The following NAA11 variants were observed in gnomAD, a reference collection of about 807,000 sequenced individuals.
The protein encoded by NAA11 is N-alpha-acetyltransferase 11, NatA catalytic subunit.
Under a neutral mutation model 16.1 loss-of-function variants are expected in NAA11, and 15 were observed. The observed-to-expected ratio is 0.93, with a 90% CI of 0.62 to 1.44. The LOEUF (loss-of-function observed/expected upper bound fraction) is 1.44. Ranked by LOEUF, NAA11 falls within the 40% of genes most tolerant of loss-of-function variation. NAA11 has a pLI of 0.00. For synonymous variants in NAA11, 122 were observed against 112.4 expected, an observed-to-expected ratio of 1.09 and a Z score of -0.54; for missense variants, 298 against 291.3, an observed-to-expected ratio of 1.02 and a Z score of -0.17.
At chr4:79,165,080 A>G in the NAA11 span, among the ~76,000 whole-genome samples, 4 of 152,230 alleles carry the variant, frequency 2.6e-5, no homozygotes, top group Non-Finnish European at 4.4e-5. Flanking sequence ...TGGCATGCAT[A>G]TGCCGGAGCT....
downstream of NAA11, among the ~76,000 whole-genome samples, chr4:79,313,661 C>T (rs1030378545): frequency 2.6e-5 from 4 of 152,140 alleles, no homozygotes; most frequent in African/African-American, 7.2e-5. Flanking sequence ...TTAAATAACC[C>T]TTCAAGTGCA....
At position 79,325,666 on chromosome 4, in the gene NAA11, T is replaced by C. The variant is rs1000155745; in HGVS notation, c.212A>G (p.His71Arg). Residue 71 changes from histidine to arginine, a missense_variant, in exon 1 of 2, where the codon CAT becomes CGT. His to Arg is a conservative substitution (Grantham distance 29). Transcript: ENST00000286794. The part of the protein sequence containing the change: ...EEEPDDVPHG[H>R]ITSLAVKRSH... Reference sequence around the variant, plus strand: ...ACGCTTCACGGCCAGTGAGGTGATATGGCCATGCGGGACATCATCTGGTTC... The same window carrying C: ...ACGCTTCACGGCCAGTGAGGTGATACGGCCATGCGGGACATCATCTGGTTC... The C allele has an allele frequency of 1.6e-5, 26 of 1,613,966 alleles. No homozygotes were observed. The East Asian group carries it at 2.2e-4, about 14-fold the overall frequency.
chr4:79,285,522 A>G (rs1722887268), intron 2 of NAA11, among the ~76,000 whole-genome samples: 1 of 152,106 alleles, frequency 6.6e-6, no homozygotes, highest in African/African-American at 2.4e-5. Flanking sequence ...AGAGTATTAC[A>G]ATACCTTGTA....
chr4:79,309,161 T>A (rs76568725), intron 1 of NAA11, among the ~76,000 whole-genome samples: 3,627 of 152,324 alleles, frequency 0.024, 163 homozygotes, highest in African/African-American at 0.084. Context: ...AGAGCCTTAA[T>A]AGCCTCTGGC....
the NAA11 span, among the ~76,000 whole-genome samples, chr4:79,166,832 C>T: frequency 5.4e-5 from 8 of 148,574 alleles, no homozygotes; most frequent in South Asian, 4.4e-4. Flanking sequence ...CACCCCACTG[C>T]GCTCCAGCCT....
At chr4:79,229,001 C>T (rs1397709446) in intron 2 of NAA11, among the ~76,000 whole-genome samples, 1 of 151,922 alleles carries the variant, frequency 6.6e-6, no homozygotes, top group African/African-American at 2.4e-5. Context: ...CAAATATTTT[C>T]TCCCAGTCTA....
At chr4:79,156,457 C>G in the NAA11 span, among the ~76,000 whole-genome samples, 1 of 152,090 alleles carries the variant, frequency 6.6e-6, no homozygotes, top group Non-Finnish European at 1.5e-5. Flanking sequence ...CAGGATGGAC[C>G]AGCAGGCTGG....
At chr4:79,166,358 A>C in the NAA11 span, among the ~76,000 whole-genome samples, 1 of 151,734 alleles carries the variant, frequency 6.6e-6, no homozygotes, top group Non-Finnish European at 1.5e-5. Context: ...GAACAACTGA[A>C]CTTTTTTTTA....
downstream of NAA11, among the ~76,000 whole-genome samples, chr4:79,224,355 A>G (rs1414741735): frequency 6.6e-6 from 1 of 152,110 alleles, no homozygotes; most frequent in Non-Finnish European, 1.5e-5. Flanking sequence ...TTTTCTGTTC[A>G]TGTTGCTGCT....
chr4:79,189,698 C>T, the NAA11 span, among the ~76,000 whole-genome samples: 1 of 152,160 alleles, frequency 6.6e-6, no homozygotes, highest in Non-Finnish European at 1.5e-5. Flanking sequence ...CCTCCATTTC[C>T]TGTGTCACAT....
chr4:79,172,747 A>T, the NAA11 span, among the ~76,000 whole-genome samples: 1 of 152,092 alleles, frequency 6.6e-6, no homozygotes, highest in Non-Finnish European at 1.5e-5. Flanking sequence ...AAAACACCCT[A>T]CCTCACCTTT....
intron 2 of NAA11, among the ~76,000 whole-genome samples, chr4:79,232,231 T>C (rs1267871556): frequency 6.6e-6 from 1 of 151,930 alleles, no homozygotes; most frequent in Non-Finnish European, 1.5e-5. Context: ...ATAATTCTTC[T>C]CTGCTTTTGT....
the NAA11 span, among the ~76,000 whole-genome samples, chr4:79,174,877 C>A: frequency 6.6e-6 from 1 of 152,064 alleles, no homozygotes; most frequent in Non-Finnish European, 1.5e-5. Flanking sequence ...AAGGAACTAT[C>A]TGTCTTCTCA....
chr4:79,169,649 G>C, the NAA11 span, among the ~76,000 whole-genome samples: 2 of 152,074 alleles, frequency 1.3e-5, no homozygotes, highest in Non-Finnish European at 2.9e-5. Context: ...AAAAACCCTA[G>C]AAGAAAACCT....
At chr4:79,286,621 A>T (rs1166270464) in intron 2 of NAA11, among the ~76,000 whole-genome samples, 1 of 152,092 alleles carries the variant, frequency 6.6e-6, no homozygotes, top group African/African-American at 2.4e-5. Flanking sequence ...ACTCGCTCAA[A>T]TAACTTTTTA....
At chr4:79,232,701 CATCTGT>C (rs1015625267) in intron 2 of NAA11, among the ~76,000 whole-genome samples, 1 of 151,934 alleles carries the variant, frequency 6.6e-6, no homozygotes, top group African/African-American at 2.4e-5. Flanking sequence ...TGAGGGATAA[CATCTGT>C]TAAAGAGACC....
At chr4:79,276,880 T>C (rs1364739018) in intron 2 of NAA11, among the ~76,000 whole-genome samples, 1 of 152,118 alleles carries the variant, frequency 6.6e-6, no homozygotes, top group East Asian at 1.9e-4. Context: ...AATATTTTGG[T>C]GGGTGACAGT....
At chr4:79,258,289 G>A (rs577527697) in intron 2 of NAA11, among the ~76,000 whole-genome samples, 1 of 152,398 alleles carries the variant, frequency 6.6e-6, no homozygotes, top group South Asian at 2.1e-4. Flanking sequence ...CCTGGGAGCA[G>A]TGGCAGCTAC....
intron 2 of NAA11, among the ~76,000 whole-genome samples, chr4:79,233,430 G>C (rs1721507118): frequency 6.6e-6 from 1 of 151,698 alleles, no homozygotes; most frequent in Non-Finnish European, 1.5e-5. Flanking sequence ...TTTAAAAAAG[G>C]AATCCCTTGT....
Sources: gnomAD v4.1 joint callset for allele counts (sites outside exome capture counted in the v4.1 genomes callset) on GRCh38, gnomAD v4.1.1 for gene constraint, MANE v1.5 for transcripts, NCBI Gene and HGNC (gene_info 2026-07-23, HGNC 2026-07-21) for gene names.